AGPAT5: variants seen among roughly 807,000 people sequenced by gnomAD.
AGPAT5 encodes the protein 1-acylglycerol-3-phosphate O-acyltransferase 5.
Under a neutral mutation model 45.6 loss-of-function variants are expected in AGPAT5, and 46 were observed. The ratio of observed to expected loss-of-function variants is 1.01; its 90% CI spans 0.80 to 1.29. The LOEUF (loss-of-function observed/expected upper bound fraction) is 1.29. AGPAT5 is among the 50% of genes most tolerant of loss of function. The pLI is 0.00. For missense variants in AGPAT5, 673 were observed against 450.7 expected, an observed-to-expected ratio of 1.49 and a Z score of -4.47; for synonymous variants, 272 against 167.0, an observed-to-expected ratio of 1.63 and a Z score of -4.85.
At chr8:6,726,459 C>G (rs578140433) in intron 2 of AGPAT5, among the ~76,000 whole-genome samples, 1 of 152,156 alleles carries the variant, frequency 6.6e-6, no homozygotes, top group Non-Finnish European at 1.5e-5. Flanking sequence ...GAACTCCACT[C>G]GATTAATAGA....
chr8:6,709,693 G>T (rs1800080772), intron 1 of AGPAT5, among the ~76,000 whole-genome samples: 1 of 152,136 alleles, frequency 6.6e-6, no homozygotes, highest in African/African-American at 2.4e-5. Context: ...ATGGGGAAAT[G>T]GGACGGTATC....
intron 1 of AGPAT5, among the ~76,000 whole-genome samples, chr8:6,714,313 G>C (rs1173832660): frequency 1.3e-5 from 2 of 152,180 alleles, no homozygotes; most frequent in East Asian, 3.8e-4. Flanking sequence ...GCTTATTTAA[G>C]CAGGATAATA....
Position 6,757,322 on chromosome 8 carries a change from G to T in AGPAT5, c.1029G>T (p.Lys343Asn), listed in dbSNP as rs764002220. The T allele has an allele frequency of 6.2e-7, 1 of 1,614,208 alleles. No individual in the cohort carries two copies. The highest frequency in any genetic ancestry group is 1.1e-5 in the South Asian group (1 of 91,088). ...TGCTTATGACCGATGCTGGAAGGAA[G>T]CTGTATGTGAACACCTGGATATATG... ...AGMLMTDAGR[K>N]LYVNTWIYGT... The change falls in exon 8 of 8, where the codon AAG becomes AAT. Residue 343 changes from lysine to asparagine, a missense_variant. Lys to Asn is a moderately conservative substitution (Grantham distance 94, BLOSUM62 0). Coordinates refer to ENST00000285518, the MANE Select transcript of AGPAT5 (RefSeq NM_018361.5).
chr8:6,752,897 T>C (rs754488540), intron 6 of AGPAT5, among the ~76,000 whole-genome samples: 22 of 152,216 alleles, frequency 1.4e-4, no homozygotes, highest in Admixed American at 4.6e-4. Flanking sequence ...ATTGAACTGC[T>C]TTCCACTTTG....
intron 1 of AGPAT5, among the ~76,000 whole-genome samples, chr8:6,714,233 T>C (rs551401198): frequency 1.1e-3 from 164 of 152,364 alleles, no homozygotes; most frequent in Non-Finnish European, 2.0e-3. Flanking sequence ...CTTAAATAGA[T>C]CTTAAATTGC....
intron 2 of AGPAT5, among the ~76,000 whole-genome samples, chr8:6,726,470 G>C (rs896831930): frequency 4.6e-5 from 7 of 152,146 alleles, no homozygotes; most frequent in African/African-American, 1.7e-4. Context: ...GATTAATAGA[G>C]CTCTCTAGTA....
chr8:6,723,016 C>T (rs556640939), intron 1 of AGPAT5, among the ~76,000 whole-genome samples: 3 of 152,024 alleles, frequency 2.0e-5, no homozygotes, highest in East Asian at 1.9e-4. Flanking sequence ...CATTTGTAGA[C>T]GGAACTAATG....
At chr8:6,732,448 C>G in intron 3 of AGPAT5, 113 bp from the exon 4 acceptor site, 1 of 673,904 alleles carries the variant, frequency 1.5e-6, no homozygotes, top group South Asian at 2.7e-5. Context: ...AGATTAAATT[C>G]TGAAATGTAG....
At chr8:6,719,586 C>T (rs1057065369) in intron 1 of AGPAT5, among the ~76,000 whole-genome samples, 50 of 152,296 alleles carry the variant, frequency 3.3e-4, no homozygotes, top group African/African-American at 1.2e-3. Flanking sequence ...AATCAGACAT[C>T]ACCATTATCA....
At chr8:6,731,495 CTTTA>C (rs1800862833) in intron 3 of AGPAT5, among the ~76,000 whole-genome samples, 1 of 151,898 alleles carries the variant, frequency 6.6e-6, no homozygotes, top group Non-Finnish European at 1.5e-5. Context: ...GGTTGTTATA[CTTTA>C]TTTTTTATTT....
chr8:6,723,925 C>T (rs1800592180), intron 1 of AGPAT5, among the ~76,000 whole-genome samples: 1 of 152,158 alleles, frequency 6.6e-6, no homozygotes, highest in African/African-American at 2.4e-5. Flanking sequence ...AAAGCCTTAG[C>T]TAATTTATAA....
intron 5 of AGPAT5, 25 bp from the exon 6 acceptor site, chr8:6,747,645 A>G (rs1439378347): frequency 1.9e-6 from 3 of 1,595,976 alleles, no homozygotes; most frequent in African/African-American, 1.3e-5. Flanking sequence ...TAACTAATTA[A>G]TGACGGCACT....
intron 1 of AGPAT5, among the ~76,000 whole-genome samples, chr8:6,714,838 G>A (rs1800268439): frequency 2.6e-5 from 4 of 152,192 alleles, no homozygotes; most frequent in Non-Finnish European, 4.4e-5. Flanking sequence ...CGGGAAAACA[G>A]CACTCCGTAT....
intron 1 of AGPAT5, among the ~76,000 whole-genome samples, chr8:6,722,900 G>A (rs930814264): frequency 1.1e-4 from 17 of 152,002 alleles, no homozygotes; most frequent in African/African-American, 4.1e-4. Context: ...TCATGAACAA[G>A]CAATCATAAT....
intron 1 of AGPAT5, among the ~76,000 whole-genome samples, chr8:6,721,664 C>T (rs553570986): frequency 6.6e-6 from 1 of 152,112 alleles, no homozygotes; most frequent in Non-Finnish European, 1.5e-5. Flanking sequence ...TAATTGAAGT[C>T]CATTACTTTA....
At chr8:6,723,423 G>C (rs1800573743) in intron 1 of AGPAT5, among the ~76,000 whole-genome samples, 1 of 152,154 alleles carries the variant, frequency 6.6e-6, no homozygotes, top group Non-Finnish European at 1.5e-5. Flanking sequence ...CTGGGCTTAA[G>C]AGATCTTCCC....
intron 4 of AGPAT5, among the ~76,000 whole-genome samples, chr8:6,735,001 T>C (rs747585386): frequency 4.6e-5 from 7 of 152,144 alleles, no homozygotes; most frequent in Non-Finnish European, 7.4e-5. Context: ...TGGATACTTG[T>C]TACTGAACTC....
chr8:6,708,901 C>T lies in AGPAT5; in HGVS notation c.219+14C>T, dbSNP rs373598615. The T allele has an allele frequency of 3.1e-6, 5 of 1,593,326 alleles. No individual in the cohort carries two copies. The highest frequency in any genetic ancestry group is 3.4e-6 in the Non-Finnish European group (4 of 1,171,424). On this transcript the variant is annotated intron_variant, in intron 1 of 7. Coordinates refer to ENST00000285518, the MANE Select transcript of AGPAT5 (RefSeq NM_018361.5). ...ACCGGGGTCCAGGTGAGCCGCCTCC[C>T]GCTCCCGGGTCTCGGCGTCCACCCG...
chr8:6,742,426 A>C (rs1022452609), intron 5 of AGPAT5, among the ~76,000 whole-genome samples: 3 of 152,234 alleles, frequency 2.0e-5, no homozygotes, highest in African/African-American at 7.2e-5. Flanking sequence ...AACAGTGGCT[A>C]TGCTATGTTC....
Sources: allele counts gnomAD v4.1 joint callset (sites outside exome capture counted in the v4.1 genomes callset), GRCh38; gene constraint gnomAD v4.1.1; transcripts MANE v1.5; gene names NCBI Gene and HGNC (gene_info 2026-07-23, HGNC 2026-07-21).